G3BP1: variants seen among roughly 807,000 people sequenced by gnomAD.
G3BP1 encodes ras GTPase-activating protein-binding protein 1.
G3BP1 carries 35 observed loss-of-function variants against 58.6 expected under a neutral mutation model. That is an observed-to-expected ratio of 0.60 (90% CI 0.46 to 0.79). The LOEUF is 0.79. Among genes scored for constraint, G3BP1 ranks in the 30% least tolerant of loss-of-function variants. G3BP1 has a pLI of 0.00. For synonymous variants in G3BP1, 191 were observed against 195.4 expected (o/e 0.98, Z 0.19); for missense variants, 523 against 580.8 (o/e 0.90, Z 1.02).
At chr5:151,782,718 A>G (rs1049697088) in intron 1 of G3BP1, among the ~76,000 whole-genome samples, 1 of 152,036 alleles carries the variant, frequency 6.6e-6, no homozygotes, top group Admixed American at 6.6e-5. Flanking sequence ...TGATATTAGC[A>G]TGTGTTTTCA....
chr5:151,773,153 G>A (rs1274211188), intron 1 of G3BP1, among the ~76,000 whole-genome samples: 3 of 150,994 alleles, frequency 2.0e-5, no homozygotes, highest in Admixed American at 1.3e-4. Context: ...TTTAGACGTT[G>A]AATTTTTTTT....
chr5:151,795,379 A>G lies in G3BP1; in HGVS notation c.443-100A>G, dbSNP rs750156811. The G allele has an allele frequency of 3.0e-5, 20 of 671,364 alleles. No homozygotes were observed. In the East Asian group the frequency reaches 3.4e-4, roughly 11 times the overall value. 41.6% of individuals were successfully genotyped at this position (671,364 alleles called of 1,614,324 possible). A position where few individuals can be genotyped will look rare whatever the true frequency, so the allele number is the denominator to read the frequency against. On this transcript the variant is annotated intron_variant, in intron 5 of 11. Transcript: ENST00000356245. The stretch of plus-strand genomic sequence containing the variant: ...AAATTGTCCTACTTTGTTTATTTAT[A>G]TATGTTTTTCTTCACTGTTGTTTTG...
In G3BP1 at chr5:151,804,313, A is replaced by G; in HGVS notation, c.*222A>G. ...TTCCAATTTTGTGGAATGATATTTT[A>G]GGAATAACGGACTTTTAAAGAAGCA... On this transcript the variant is annotated 3_prime_UTR_variant, in exon 12 of 12. Coordinates refer to ENST00000356245, the MANE Select transcript of G3BP1 (RefSeq NM_005754.3). 5.1e-6 allele frequency: 2 copies of G among 389,000 alleles called. No homozygotes were observed. The highest frequency in any genetic ancestry group is 9.1e-6 in the Non-Finnish European group (2 of 220,630). 24.1% of individuals were successfully genotyped at this position (389,000 alleles called of 1,614,324 possible).
At chr5:151,784,428 A>G (rs1204494462) in intron 1 of G3BP1, among the ~76,000 whole-genome samples, 1 of 152,212 alleles carries the variant, frequency 6.6e-6, no homozygotes, top group African/African-American at 2.4e-5. Flanking sequence ...TCAGAAATCA[A>G]CTCTGCTAGT....
rs775299123 is a variant in G3BP1 at position 151,800,285 on chromosome 5, A to G, written c.1023A>G (p.Gln341=). Reference sequence around the variant, plus strand: ...TGGTGAGACACCCTGACAGTCACCAACTCTTCATTGGCAACCTGCCTCATG... The same window carrying G: ...TGGTGAGACACCCTGACAGTCACCAGCTCTTCATTGGCAACCTGCCTCATG... The part of the protein sequence containing the change: ...RRMVRHPDSH[Q]LFIGNLPHEV... Residue 341 remains glutamine, a synonymous_variant, in exon 10 of 12, where the codon CAA becomes CAG. Coordinates refer to ENST00000356245, the MANE Select transcript of G3BP1 (RefSeq NM_005754.3). 5 of 1,611,814 alleles carry G rather than the reference A, an allele frequency of 3.1e-6. No homozygotes were observed. Among genetic ancestry groups the G allele is most frequent in the East Asian group, 2.2e-5 (1 of 44,866 alleles).
Position 151,800,806 on chromosome 5 carries a change from A to G in G3BP1, c.1131A>G (p.Leu377=), listed in dbSNP as rs745902782. 1.2e-6 allele frequency: 2 copies of G among 1,613,004 alleles called. No homozygotes were observed. The change falls in exon 11 of 12, where the codon TTA becomes TTG. Residue 377 remains leucine, a synonymous_variant. Coordinates refer to ENST00000356245, the MANE Select transcript of G3BP1 (RefSeq NM_005754.3). Reference sequence around the variant, plus strand: ...TGCGCATTAACAGTGGTGGGAAATTACCCAATTTTGGTTTTGTTGTGTTTG... The same window carrying G: ...TGCGCATTAACAGTGGTGGGAAATTGCCCAATTTTGGTTTTGTTGTGTTTG... ...VELRINSGGK[L]PNFGFVVFDD...
At chr5:151,782,889 G>A (rs1295742735) in intron 1 of G3BP1, among the ~76,000 whole-genome samples, 1 of 115,132 alleles carries the variant, frequency 8.7e-6, no homozygotes, top group African/African-American at 3.4e-5. Flanking sequence ...ATGGACTCTC[G>A]CTCTGTCGCC....
At chr5:151,775,874 A>G (rs1321232636) in intron 1 of G3BP1, among the ~76,000 whole-genome samples, 2 of 152,212 alleles carry the variant, frequency 1.3e-5, no homozygotes, top group Admixed American at 6.5e-5. Flanking sequence ...GGAAAACAGT[A>G]TTTTTGAGAT....
intron 1 of G3BP1, among the ~76,000 whole-genome samples, chr5:151,780,648 G>A (rs1762450836): frequency 1.3e-5 from 2 of 152,090 alleles, no homozygotes; most frequent in South Asian, 4.2e-4. Flanking sequence ...GAGTTGCTGG[G>A]ACTACAGGCG....
At chr5:151,786,788 CTCA>C in intron 2 of G3BP1, 73 bp downstream of exon 2, 3 of 900,916 alleles carry the variant, frequency 3.3e-6, no homozygotes, top group Admixed American at 3.5e-5. Flanking sequence ...GATTCTCCCA[CTCA>C]TCATCTTATG....
At chr5:151,795,269 C>G (rs1452429220) in intron 5 of G3BP1, among the ~76,000 whole-genome samples, 1 of 152,160 alleles carries the variant, frequency 6.6e-6, no homozygotes. Flanking sequence ...GAGAGCGAGA[C>G]TCCGTCTCAA....
intron 1 of G3BP1, among the ~76,000 whole-genome samples, chr5:151,778,804 C>T (rs887581664): frequency 1.3e-5 from 2 of 151,592 alleles, no homozygotes; most frequent in South Asian, 4.2e-4. Context: ...CACCTGTAAT[C>T]CCAGCACTTT....
intron 4 of G3BP1, chr5:151,791,811 C>T (rs983947700): frequency 3.6e-5 from 10 of 277,336 alleles, no homozygotes; most frequent in Admixed American, 1.0e-4. Context: ...CGTGTGCTAC[C>T]GTACTCGGCT....
chr5:151,803,547 C>T (rs1762892208), intron 11 of G3BP1, among the ~76,000 whole-genome samples: 1 of 151,864 alleles, frequency 6.6e-6, no homozygotes, highest in South Asian at 2.1e-4. Flanking sequence ...GACTGGAGTA[C>T]AATGGCGTGA....
At chr5:151,772,411 C>A (rs974395966) in intron 1 of G3BP1, 1 of 152,372 alleles carries the variant, frequency 6.6e-6, no homozygotes, top group African/African-American at 2.4e-5. Context: ...ACCTTTTCCT[C>A]CCCTGGCCAA....
intron 1 of G3BP1, among the ~76,000 whole-genome samples, chr5:151,775,513 T>C (rs1310544658): frequency 6.6e-6 from 1 of 152,240 alleles, no homozygotes; most frequent in Non-Finnish European, 1.5e-5. Context: ...TTGAAAAATC[T>C]TAGAGGGATT....
chr5:151,773,370 T>C (rs1382705715), intron 1 of G3BP1, among the ~76,000 whole-genome samples: 1 of 152,210 alleles, frequency 6.6e-6, no homozygotes, highest in Non-Finnish European at 1.5e-5. Flanking sequence ...GCTGGATGAA[T>C]TACTGGTGTT....
intron 1 of G3BP1, among the ~76,000 whole-genome samples, chr5:151,777,912 A>C (rs1277208283): frequency 6.8e-6 from 1 of 147,544 alleles, no homozygotes; most frequent in African/African-American, 2.7e-5. Flanking sequence ...TTTTTTTGTA[A>C]ATACATTATG....
chr5:151,803,360 G>A (rs983776911), intron 11 of G3BP1, among the ~76,000 whole-genome samples: 5 of 151,866 alleles, frequency 3.3e-5, no homozygotes, highest in Admixed American at 6.6e-5. Context: ...GCAGTGGCAC[G>A]ACCTTGGCTC....
Sources: gnomAD v4.1 joint callset for allele counts (sites outside exome capture counted in the v4.1 genomes callset) on GRCh38, gnomAD v4.1.1 for gene constraint, MANE v1.5 for transcripts, NCBI Gene and HGNC (gene_info 2026-07-23, HGNC 2026-07-21) for gene names.